Variants in MRPS28 observed in about 807,000 individuals in gnomAD.
MRPS28 encodes the protein small ribosomal subunit protein bS1m.
A neutral mutation model predicts 10.8 loss-of-function variants in MRPS28; 7 were observed. That is an observed-to-expected ratio of 0.65 (90% CI 0.37 to 1.22). MRPS28 has a LOEUF of 1.22. Ranked by LOEUF, MRPS28 falls within the 50% of genes most tolerant of loss-of-function variation. The pLI is 0.02. For synonymous variants in MRPS28, 121 were observed against 93.3 expected, an observed-to-expected ratio of 1.30 and a Z score of -1.71; for missense variants, 265 against 232.9, an observed-to-expected ratio of 1.14 and a Z score of -0.90.
At chr8:79,960,677 A>G (rs1356281647) in intron 2 of MRPS28, among the ~76,000 whole-genome samples, 1 of 152,110 alleles carries the variant, frequency 6.6e-6, no homozygotes, top group Non-Finnish European at 1.5e-5. Flanking sequence ...GTGCAGAAGA[A>G]TTCTACATTT....
intron 1 of MRPS28, among the ~76,000 whole-genome samples, chr8:80,021,583 C>G (rs1809366618): frequency 6.6e-6 from 1 of 152,132 alleles, no homozygotes; most frequent in Admixed American, 6.5e-5. Flanking sequence ...TGACTAAAGG[C>G]TAAGGTATGC....
intron 2 of MRPS28, among the ~76,000 whole-genome samples, chr8:79,965,257 A>G (rs913143364): frequency 6.6e-6 from 1 of 152,132 alleles, no homozygotes; most frequent in African/African-American, 2.4e-5. Flanking sequence ...AGGAAATTGA[A>G]TGATAGTGTT....
intron 2 of MRPS28, among the ~76,000 whole-genome samples, chr8:79,987,442 A>G (rs1348675834): frequency 6.6e-6 from 1 of 152,126 alleles, no homozygotes; most frequent in Non-Finnish European, 1.5e-5. Context: ...TAATTAAACT[A>G]AAGAGCTTCT....
At chr8:79,951,251 G>A (rs373113947) in intron 2 of MRPS28, among the ~76,000 whole-genome samples, 22 of 152,280 alleles carry the variant, frequency 1.4e-4, no homozygotes, top group East Asian at 9.7e-4. Context: ...ACACGGTCCC[G>A]ATCCCTCAAG....
intron 2 of MRPS28, among the ~76,000 whole-genome samples, chr8:79,930,483 T>G (rs1806433316): frequency 6.6e-6 from 1 of 152,244 alleles, no homozygotes. Flanking sequence ...ATATAACACA[T>G]CTGCAACTTG....
Position 80,003,188 on chromosome 8 carries a change from T to TCTCTTTTCATATTTAG in MRPS28, c.214-9_214-8insCTAAATATGAAAAGAG. On this transcript the variant is annotated splice_polypyrimidine_tract_variant and intron_variant, in intron 1 of 2. Coordinates refer to ENST00000276585, the MANE Select transcript of MRPS28 (RefSeq NM_014018.3). ...CACATTTTTTGGAGAACCCTAAATA[T>TCTCTTTTCATATTTAG]GAAAAGAGATATTTATATACATATA... is the stretch of plus-strand genomic sequence containing the variant. 1 of 1,558,908 alleles carries TCTCTTTTCATATTTAG rather than the reference T, an allele frequency of 6.4e-7. No homozygotes were observed. Among genetic ancestry groups the TCTCTTTTCATATTTAG allele is most frequent in the Non-Finnish European group, 8.6e-7 (1 of 1,156,988 alleles).
chr8:79,964,166 G>A (rs1407977354), intron 2 of MRPS28, among the ~76,000 whole-genome samples: 3 of 151,990 alleles, frequency 2.0e-5, no homozygotes, highest in Non-Finnish European at 2.9e-5. Flanking sequence ...GCTGAAGTAG[G>A]GCCAGAAAGC....
At chr8:80,017,244 T>C (rs963799265) in intron 1 of MRPS28, among the ~76,000 whole-genome samples, 2 of 152,158 alleles carry the variant, frequency 1.3e-5, no homozygotes, top group Admixed American at 6.5e-5. Context: ...TACTTTGAAC[T>C]AAATGAAAAT....
At chr8:79,922,984 G>A (rs560571843) in intron 2 of MRPS28, among the ~76,000 whole-genome samples, 4 of 152,100 alleles carry the variant, frequency 2.6e-5, no homozygotes, top group South Asian at 4.2e-4. Context: ...AGAAATTTAC[G>A]TATGGTCCAT....
intron 2 of MRPS28, among the ~76,000 whole-genome samples, chr8:79,952,032 C>A (rs987924962): frequency 2.0e-5 from 3 of 152,282 alleles, no homozygotes; most frequent in Middle Eastern, 3.4e-3. Flanking sequence ...TTACACATGA[C>A]GGCGCACTTT....
chr8:80,021,018 T>G (rs1175875047), intron 1 of MRPS28, among the ~76,000 whole-genome samples: 5 of 152,098 alleles, frequency 3.3e-5, no homozygotes, highest in African/African-American at 4.8e-5. Context: ...TTTTTTTTTT[T>G]TTTGAGACTG....
At chr8:80,029,821 C>T in intron 1 of MRPS28, 11 of 1,531,364 alleles carry the variant, frequency 7.2e-6, no homozygotes, top group Non-Finnish European at 7.9e-6. Context: ...CGGCCCAGTA[C>T]GCAAATGCCA....
intron 2 of MRPS28, among the ~76,000 whole-genome samples, chr8:79,976,484 CTCT>C (rs1201712647): frequency 6.6e-6 from 1 of 152,154 alleles, no homozygotes; most frequent in African/African-American, 2.4e-5. Context: ...GTAGACGGAT[CTCT>C]TAAGTCCAAG....
intron 2 of MRPS28, among the ~76,000 whole-genome samples, chr8:79,934,467 C>T (rs959003494): frequency 3.3e-5 from 5 of 152,140 alleles, no homozygotes; most frequent in Admixed American, 6.5e-5. Flanking sequence ...ACAGGAGGGA[C>T]GAACTAAAAA....
At chr8:79,969,235 G>A (rs1807571499) in intron 2 of MRPS28, among the ~76,000 whole-genome samples, 2 of 152,222 alleles carry the variant, frequency 1.3e-5, no homozygotes, top group Non-Finnish European at 2.9e-5. Flanking sequence ...AGATGACTGA[G>A]GATAATGTAC....
At chr8:79,999,016 C>T (rs962453640) in intron 2 of MRPS28, among the ~76,000 whole-genome samples, 3 of 152,066 alleles carry the variant, frequency 2.0e-5, no homozygotes, top group African/African-American at 7.2e-5. Context: ...TATTCAACTA[C>T]ACAAAAGTCT....
At chr8:79,927,481 TAAA>T (rs59361977) in intron 2 of MRPS28, among the ~76,000 whole-genome samples, 120,348 of 151,952 alleles carry the variant, frequency 0.79, 48,478 homozygotes, top group African/African-American at 0.95. Flanking sequence ...AGAAAACTTC[TAAA>T]AAATTTGTTG....
chr8:80,016,933 A>T (rs1355373471), intron 1 of MRPS28, among the ~76,000 whole-genome samples: 1 of 152,164 alleles, frequency 6.6e-6, no homozygotes, highest in African/African-American at 2.4e-5. Flanking sequence ...GAACTCAACA[A>T]CATCATAAAT....
At chr8:79,938,866 AAAAG>A (rs1245188663) in intron 2 of MRPS28, among the ~76,000 whole-genome samples, 2 of 152,230 alleles carry the variant, frequency 1.3e-5, no homozygotes, top group Non-Finnish European at 2.9e-5. Flanking sequence ...AAATAAATGA[AAAAG>A]AAACACAAAA....
Sources: allele counts gnomAD v4.1 joint callset (sites outside exome capture counted in the v4.1 genomes callset), GRCh38; gene constraint gnomAD v4.1.1; transcripts MANE v1.5; gene names NCBI Gene and HGNC (gene_info 2026-07-23, HGNC 2026-07-21).